Variants in FAM149A observed in about 807,000 individuals in gnomAD.
The protein encoded by FAM149A is protein FAM149A.
Under a neutral mutation model 78.2 loss-of-function variants are expected in FAM149A, and 71 were observed. That is an observed-to-expected ratio of 0.91 (90% CI 0.75 to 1.11). FAM149A has a LOEUF of 1.11. Among genes scored for constraint, FAM149A ranks in the 50% least tolerant of loss-of-function variants. The probability of loss-of-function intolerance (pLI) is 0.00; values close to 1 mark genes in which losing one functional copy is unlikely to be tolerated. For missense variants in FAM149A, 1,036 were observed against 971.0 expected (o/e 1.07, Z -0.89); for synonymous variants, 446 against 410.5 (o/e 1.09, Z -1.04).
chr4:186,121,789 C>G (rs1163573582), intron 1 of FAM149A, among the ~76,000 whole-genome samples: 1 of 152,234 alleles, frequency 6.6e-6, no homozygotes, highest in Non-Finnish European at 1.5e-5. Flanking sequence ...TGTTGAAGTT[C>G]TGCTTCTGCT....
At chr4:186,111,593 C>A (rs1317256819) in intron 1 of FAM149A, among the ~76,000 whole-genome samples, 1 of 151,612 alleles carries the variant, frequency 6.6e-6, no homozygotes, top group African/African-American at 2.4e-5. Flanking sequence ...GGAAGGGATC[C>A]ACTTTCAGCT....
In FAM149A at chr4:186,167,096, G is replaced by A. The variant is rs779741308; in HGVS notation, c.2139G>A (p.Arg713=). The change falls in exon 12 of 14, where the codon CGG becomes CGA. Residue 713 remains arginine, a splice_region_variant and synonymous_variant. Transcript: ENST00000389354. ...GGCCCAGCACAACCCACACGTTCCG[G>A]GTGGGTTCTCTGTTTCCTGTAACTT... is the stretch of plus-strand genomic sequence containing the variant. The A allele has an allele frequency of 5.0e-6, 8 of 1,611,846 alleles. No individual in the cohort carries two copies. The East Asian group carries it at 1.3e-4, about 27-fold the overall frequency.
At position 186,171,935 on chromosome 4, in the gene FAM149A, CTT is replaced by C; in HGVS notation, c.2243_2244del (p.Phe748SerfsTer36). The C allele has an allele frequency of 6.2e-7, 1 of 1,611,178 alleles. No homozygotes were observed. Among genetic ancestry groups the C allele is most frequent in the Non-Finnish European group, 8.5e-7 (1 of 1,178,950 alleles). On this transcript the variant is annotated frameshift_variant, in exon 14 of 14. Coordinates refer to ENST00000389354, the MANE Select transcript of FAM149A (RefSeq NM_001367768.3). LOFTEE classifies it high-confidence loss of function. ...CCAGGTTCACAATATGTGCCTAAATCTTTTCAGAGGACAACTTTGACTTTCAA... is the reference window on the plus strand; with the variant it reads ...CCAGGTTCACAATATGTGCCTAAATCTTCAGAGGACAACTTTGACTTTCAA...
At chr4:186,166,205 T>C (rs892565160) in intron 11 of FAM149A, among the ~76,000 whole-genome samples, 1 of 152,148 alleles carries the variant, frequency 6.6e-6, no homozygotes, top group Non-Finnish European at 1.5e-5. Context: ...GGACCCCTGT[T>C]GTAGGAACAT....
chr4:186,133,095 T>G (rs1324164074), intron 1 of FAM149A: 1 of 985,314 alleles, frequency 1.0e-6, no homozygotes, highest in African/African-American at 1.7e-5. Context: ...AGGCATTCAC[T>G]GGTGGGTAAA....
rs1579949790 is a variant in FAM149A at position 186,171,919 on chromosome 4, C to A, written c.2224C>A (p.Gln742Lys). 3 of 1,604,922 alleles carry A rather than the reference C, an allele frequency of 1.9e-6. No homozygotes were observed. The highest frequency in any genetic ancestry group is 2.5e-6 in the Non-Finnish European group (3 of 1,176,748). Residue 742 changes from glutamine (Q) to lysine (K), a missense_variant, in exon 14 of 14, where the codon CAA (glutamine) becomes AAA (lysine). By Grantham distance (53) the Gln-to-Lys change is moderately conservative. This residue lies in a region of FAM149A where 716 missense variants were observed against 711.8 expected (regional missense o/e 1.01). Coordinates refer to ENST00000389354, the MANE Select transcript of FAM149A (RefSeq NM_001367768.3). ...CTTTTGCTTGGTGTTTCCAGGTTCA[C>A]AATATGTGCCTAAATCTTTTCAGAG...
chr4:186,122,961 C>T (rs2099316726), intron 1 of FAM149A: 1 of 189,276 alleles, frequency 5.3e-6, no homozygotes, highest in African/African-American at 2.4e-5. Flanking sequence ...TTCAAGCCTT[C>T]AGAGAAGAAT....
rs936369687 is a variant in FAM149A, at chr4:186,117,886, C to T, written c.566+12244C>T. 8 of 981,714 alleles carry T rather than the reference C, an allele frequency of 8.1e-6. No homozygotes were observed. In the Admixed American group the frequency reaches 4.9e-4, roughly 60 times the overall value. 60.8% of individuals were successfully genotyped at this position (981,714 alleles called of 1,614,324 possible). A position where few individuals can be genotyped will look rare whatever the true frequency, so the allele number is the denominator to read the frequency against. On this transcript the variant is annotated intron_variant, in intron 1 of 13. Transcript: ENST00000389354. ...CTGACAAATCTCCCAAGACCGGCAA[C>T]ACATAGGTGAGGCTGAGGAAGCAAG...
At chr4:186,159,926 C>CACACACCACACCACTCATACACACACCAA (rs1734381263) in intron 8 of FAM149A, among the ~76,000 whole-genome samples, 1 of 137,688 alleles carries the variant, frequency 7.3e-6, no homozygotes, top group Admixed American at 7.7e-5. Context: ...CACACACACA[C>CACACACCACACCACTCATACACACACCAA]ACACACCACA....
intron 13 of FAM149A, 138 bp downstream of exon 13, chr4:186,167,400 C>T: frequency 1.2e-6 from 1 of 831,340 alleles, no homozygotes; most frequent in Non-Finnish European, 2.1e-6. Context: ...GGCCTGTGGC[C>T]TGACCTCAGA....
At position 186,172,176 on chromosome 4, in the gene FAM149A, C is replaced by G; in HGVS notation, c.*189C>G. On this transcript the variant is annotated 3_prime_UTR_variant, in exon 14 of 14. Transcript: ENST00000389354. Reference sequence around the variant, plus strand: ...ACTGTAAAGAGAGTGAAAGTCAAACCCACCAAGCTGCCTTGCTGAAAGCAT... The same window carrying G: ...ACTGTAAAGAGAGTGAAAGTCAAACGCACCAAGCTGCCTTGCTGAAAGCAT... The G allele has an allele frequency of 1.2e-6, 1 of 847,804 alleles. No homozygotes were observed. Among genetic ancestry groups the G allele is most frequent in the Non-Finnish European group, 1.7e-6 (1 of 604,484 alleles). The allele number at this position is 847,804 out of a possible 1,614,324, so 52.5% of individuals were successfully genotyped here. A position where few individuals can be genotyped will look rare whatever the true frequency, so the allele number is the denominator to read the frequency against.
At chr4:186,149,808 A>G (rs1733327219) in intron 3 of FAM149A, 104 bp downstream of exon 3, 1 of 720,896 alleles carries the variant, frequency 1.4e-6, no homozygotes. Context: ...AGCATGACCT[A>G]TTGCATACAT....
rs57206592 is a variant in FAM149A at position 186,122,023 on chromosome 4, G to A, written c.566+16381G>A. 2.9e-3 allele frequency among the ~76,000 whole-genome samples: 449 copies of A among 152,302 alleles called. 1 individual carries two copies. Among genetic ancestry groups the A allele is most frequent in the African/African-American group, 8.9e-3 (371 of 41,572 alleles). ...GGCACCATGCTAGGCCTGCCAGGGA[G>A]ATCAGAATAGCCAATACCTGTCTTC... On this transcript the variant is annotated intron_variant, in intron 1 of 13. Transcript: ENST00000389354.
chr4:186,169,126 G>T, intron 13 of FAM149A: 1 of 894,394 alleles, frequency 1.1e-6, no homozygotes, highest in Non-Finnish European at 1.3e-6. Context: ...GTGGGAATTG[G>T]GTTCTGAATT....
intron 1 of FAM149A, among the ~76,000 whole-genome samples, chr4:186,138,818 C>A (rs2099324594): frequency 6.6e-6 from 1 of 152,128 alleles, no homozygotes; most frequent in African/African-American, 2.4e-5. Flanking sequence ...CCAGCCTTGA[C>A]CACCTGGCTC....
chr4:186,170,388 G>A (rs1735424807), intron 13 of FAM149A, among the ~76,000 whole-genome samples: 1 of 152,212 alleles, frequency 6.6e-6, no homozygotes, highest in Admixed American at 6.5e-5. Flanking sequence ...CGCAGTGCCT[G>A]GTGCATAACA....
Position 186,149,152 on chromosome 4 carries a change from CAT to C in FAM149A, c.567-20_567-19del, listed in dbSNP as rs1424466646. The C allele has an allele frequency of 4.7e-6, 6 of 1,267,140 alleles. No individual in the cohort carries two copies. Among genetic ancestry groups the C allele is most frequent in the Non-Finnish European group, 6.1e-6 (6 of 982,514 alleles). The allele number at this position is 1,267,140 out of a possible 1,614,324, so 78.5% of individuals were successfully genotyped here. ...ATATTATTACATTAGGGAGACTCGT[CAT>C]GTTTTATTTTATTTCCAGAAGAGGA... On this transcript the variant is annotated intron_variant, in intron 1 of 13. Coordinates refer to ENST00000389354, the MANE Select transcript of FAM149A (RefSeq NM_001367768.3).
At chr4:186,123,559 A>G (rs1230944026) in intron 1 of FAM149A, among the ~76,000 whole-genome samples, 1 of 152,238 alleles carries the variant, frequency 6.6e-6, no homozygotes, top group African/African-American at 2.4e-5. Flanking sequence ...ACTGGCTGCT[A>G]TGGAGCAGCT....
At position 186,167,069 on chromosome 4, in the gene FAM149A, A is replaced by G. The variant is rs571871796; in HGVS notation, c.2112A>G (p.Ser704=). 6.2e-7 allele frequency: 1 copy of G among 1,614,176 alleles called. No individual in the cohort carries two copies. The highest frequency in any genetic ancestry group is 2.2e-5 in the East Asian group (1 of 44,892). Residue 704 remains serine (S), a synonymous_variant, in exon 12 of 14, where the codon TCA becomes TCG. Coordinates refer to ENST00000389354, the MANE Select transcript of FAM149A (RefSeq NM_001367768.3). ...GAACAGCCACCCTGGAACGGTTGTC[A>G]AGGCCCAGCACAACCCACACGTTCC...
Sources: gnomAD v4.1 joint callset for allele counts (sites outside exome capture counted in the v4.1 genomes callset) on GRCh38, gnomAD v4.1.1 for gene constraint, gnomAD v4.1.1 regional missense constraint, MANE v1.5 for transcripts, NCBI Gene and HGNC (gene_info 2026-07-23, HGNC 2026-07-21) for gene names.